The following NDST4 variants were observed in gnomAD, a reference collection of about 807,000 sequenced individuals.
NDST4 encodes the protein N-heparan sulfate sulfotransferase 4.
In NDST4, 63 loss-of-function variants were observed where a neutral mutation model predicts 100.8. The ratio of observed to expected loss-of-function variants is 0.62; its 90% CI spans 0.51 to 0.77. The LOEUF (loss-of-function observed/expected upper bound fraction) is 0.77, where lower values mean the gene tolerates loss of function less well. Among genes scored for constraint, NDST4 ranks in the 30% least tolerant of loss-of-function variants. The probability of loss-of-function intolerance (pLI) is 0.00; values close to 1 mark genes in which losing one functional copy is unlikely to be tolerated. For synonymous variants in NDST4, 377 were observed against 361.8 expected, an observed-to-expected ratio of 1.04 and a Z score of -0.48; for missense variants, 943 against 1,018.4, an observed-to-expected ratio of 0.93 and a Z score of 1.01.
chr4:114,877,731 C>T (rs1431095970), intron 6 of NDST4, among the ~76,000 whole-genome samples: 2 of 151,982 alleles, frequency 1.3e-5, no homozygotes, highest in African/African-American at 2.4e-5. Context: ...GCAGATCACC[C>T]GAAGTAAGGA....
chr4:114,979,238 C>T (rs1346625783), intron 2 of NDST4, among the ~76,000 whole-genome samples: 3 of 151,750 alleles, frequency 2.0e-5, no homozygotes, highest in Non-Finnish European at 2.9e-5. Context: ...TGTATAAAGC[C>T]TCCTCTGGTA....
intron 6 of NDST4, among the ~76,000 whole-genome samples, chr4:114,873,670 T>C (rs1724197598): frequency 6.6e-6 from 1 of 152,038 alleles, no homozygotes; most frequent in African/African-American, 2.4e-5. Context: ...TTGCAATTAT[T>C]GTCATAAGAA....
At chr4:114,890,782 T>C (rs1225892355) in intron 6 of NDST4, among the ~76,000 whole-genome samples, 1 of 152,092 alleles carries the variant, frequency 6.6e-6, no homozygotes, top group Non-Finnish European at 1.5e-5. Context: ...CATTCCCTGC[T>C]CCTTTCTTAA....
intron 4 of NDST4, among the ~76,000 whole-genome samples, chr4:114,953,751 T>A (rs1337464226): frequency 6.6e-6 from 1 of 152,170 alleles, no homozygotes. Context: ...AATGGCTAAC[T>A]CATTCATTGT....
chr4:115,039,331 T>C (rs1728299657), intron 2 of NDST4, among the ~76,000 whole-genome samples: 1 of 152,148 alleles, frequency 6.6e-6, no homozygotes, highest in South Asian at 2.1e-4. Flanking sequence ...TATGTATTTC[T>C]TTTCACTAAA....
intron 4 of NDST4, among the ~76,000 whole-genome samples, chr4:114,955,380 G>T (rs1487591472): frequency 6.6e-6 from 1 of 152,192 alleles, no homozygotes; most frequent in Non-Finnish European, 1.5e-5. Flanking sequence ...CATTAAAAAA[G>T]CCAGAGGGGA....
intron 2 of NDST4, among the ~76,000 whole-genome samples, chr4:115,034,022 T>C (rs1728179159): frequency 6.6e-6 from 1 of 152,074 alleles, no homozygotes; most frequent in Non-Finnish European, 1.5e-5. Flanking sequence ...TGACATCTGG[T>C]GAAACAGTAA....
intron 8 of NDST4, among the ~76,000 whole-genome samples, chr4:114,849,441 G>T (rs2126187671): frequency 6.6e-6 from 1 of 152,346 alleles, no homozygotes; most frequent in East Asian, 1.9e-4. Flanking sequence ...GGATCTGGAA[G>T]TAGACAAGGC....
At chr4:115,065,637 G>C (rs1313302830) in intron 2 of NDST4, among the ~76,000 whole-genome samples, 1 of 151,800 alleles carries the variant, frequency 6.6e-6, no homozygotes, top group Non-Finnish European at 1.5e-5. Flanking sequence ...TATTTAGTTG[G>C]TCTCCTCAAA....
chr4:114,919,324 T>C (rs1725241421), intron 6 of NDST4, among the ~76,000 whole-genome samples: 2 of 152,038 alleles, frequency 1.3e-5, no homozygotes. Context: ...TAAATAACTT[T>C]AGAGAGTGGT....
intron 6 of NDST4, among the ~76,000 whole-genome samples, chr4:114,896,392 G>C (rs1027258067): frequency 5.9e-5 from 9 of 152,144 alleles, no homozygotes; most frequent in Admixed American, 2.6e-4. Flanking sequence ...GGGAGGCCGA[G>C]GTGGGTGGAT....
chr4:114,839,247 C>T, intron 11 of NDST4, 131 bp downstream of exon 11: 2 of 725,024 alleles, frequency 2.8e-6, no homozygotes, highest in Non-Finnish European at 4.1e-6. Context: ...ATGTTAATTC[C>T]CATTTTCTGC....
chr4:114,917,168 A>G (rs1464772618), intron 6 of NDST4, among the ~76,000 whole-genome samples: 14 of 152,296 alleles, frequency 9.2e-5, no homozygotes, highest in Admixed American at 6.5e-4. Flanking sequence ...TAATAAAATG[A>G]AAGTTCTACG....
intron 2 of NDST4, among the ~76,000 whole-genome samples, chr4:115,023,774 A>T (rs1045949615): frequency 1.3e-5 from 2 of 152,130 alleles, no homozygotes; most frequent in Admixed American, 1.3e-4. Context: ...ATGAACACAA[A>T]GGGAGAATAG....
chr4:114,928,401 CCTCT>C (rs1407469858), intron 6 of NDST4, among the ~76,000 whole-genome samples: 2 of 152,184 alleles, frequency 1.3e-5, no homozygotes, highest in African/African-American at 2.4e-5. Context: ...TAGCCCATCA[CCTCT>C]CTATTTATGA....
intron 7 of NDST4, among the ~76,000 whole-genome samples, chr4:114,856,634 T>C (rs1272181666): frequency 2.0e-5 from 3 of 152,212 alleles, no homozygotes; most frequent in Admixed American, 2.0e-4. Flanking sequence ...AAGAAATGCT[T>C]AGGCCGATTC....
At chr4:114,900,209 G>T (rs1482862714) in intron 6 of NDST4, among the ~76,000 whole-genome samples, 2 of 151,018 alleles carry the variant, frequency 1.3e-5, no homozygotes, top group African/African-American at 4.9e-5. Context: ...CTAGCCATTT[G>T]AATCCTCTCT....
intron 2 of NDST4, among the ~76,000 whole-genome samples, chr4:115,043,865 G>T (rs1470795376): frequency 6.6e-6 from 1 of 152,056 alleles, no homozygotes; most frequent in Non-Finnish European, 1.5e-5. Context: ...TTTCAGGGAG[G>T]AAATTACTTA....
chr4:115,094,137 T>C, intron 1 of NDST4, among the ~76,000 whole-genome samples: 1 of 151,390 alleles, frequency 6.6e-6, no homozygotes, highest in South Asian at 2.1e-4. Context: ...AAATTATTAA[T>C]GAAGTTATTA....
Sources: allele counts gnomAD v4.1 joint callset (sites outside exome capture counted in the v4.1 genomes callset), GRCh38; gene constraint gnomAD v4.1.1; transcripts MANE v1.5; gene names NCBI Gene and HGNC (gene_info 2026-07-23, HGNC 2026-07-21).